The following PNLIPRP3 variants were observed in gnomAD, a reference collection of about 807,000 sequenced individuals.
The protein encoded by PNLIPRP3 is pancreatic lipase-related protein 3.
PNLIPRP3 carries 58 observed loss-of-function variants against 52.8 expected under a neutral mutation model. That is an observed-to-expected ratio of 1.10 (90% CI 0.89 to 1.37). The LOEUF (loss-of-function observed/expected upper bound fraction) is 1.37, where lower values mean the gene tolerates loss of function less well. Among genes scored for constraint, PNLIPRP3 ranks in the 40% most tolerant of loss-of-function variants. The pLI is 0.00. For synonymous variants in PNLIPRP3, 192 were observed against 185.0 expected (o/e 1.04, Z -0.31); for missense variants, 593 against 561.6 (o/e 1.06, Z -0.57).
intron 4 of PNLIPRP3, 138 bp downstream of exon 4, chr10:116,444,651 G>A (rs949754208): frequency 1.1e-6 from 1 of 880,470 alleles, no homozygotes. Context: ...TTTGTATATG[G>A]CAGACAAAAA....
At chr10:116,452,935 G>T (rs1244121449) in intron 4 of PNLIPRP3, among the ~76,000 whole-genome samples, 1 of 152,244 alleles carries the variant, frequency 6.6e-6, no homozygotes, top group Non-Finnish European at 1.5e-5. Context: ...CTGGGGAACT[G>T]CCTAGTGGAT....
In PNLIPRP3 at chr10:116,428,077, TATA is replaced by T. The variant is rs770149836; in HGVS notation, c.49+21_49+23del. 9 of 1,566,882 alleles carry T rather than the reference TATA, an allele frequency of 5.7e-6. No individual in the cohort carries two copies. Among genetic ancestry groups the T allele is most frequent in the African/African-American group, 2.7e-5 (2 of 73,722 alleles). On this transcript the variant is annotated intron_variant, in intron 1 of 11. Transcript: ENST00000369230. The stretch of plus-strand genomic sequence containing the variant: ...ACATCAAGAGGTAAGATTCATAATT[TATA>T]ATAAGTTCTTTAAAAATAATGAGTA...
At chr10:116,440,028 G>C in intron 2 of PNLIPRP3, 1 of 760,292 alleles carries the variant, frequency 1.3e-6, no homozygotes, top group Non-Finnish European at 2.4e-6. Context: ...TTGGTTTCTA[G>C]GGGTCACCTT....
intron 4 of PNLIPRP3, among the ~76,000 whole-genome samples, chr10:116,451,736 A>G (rs927522424): frequency 6.6e-6 from 1 of 152,216 alleles, no homozygotes; most frequent in African/African-American, 2.4e-5. Context: ...TGCTGGCACT[A>G]TGCTTTATGT....
At chr10:116,435,113 G>A (rs939582795) in intron 1 of PNLIPRP3, among the ~76,000 whole-genome samples, 1 of 152,164 alleles carries the variant, frequency 6.6e-6, no homozygotes, top group Non-Finnish European at 1.5e-5. Flanking sequence ...TATAGCATGC[G>A]AGTTGATTGA....
chr10:116,436,569 G>T, intron 1 of PNLIPRP3, 142 bp from the exon 2 acceptor site: 1 of 871,236 alleles, frequency 1.1e-6, no homozygotes. Flanking sequence ...CAACCCTATA[G>T]AATAGGAGAA....
intron 1 of PNLIPRP3, among the ~76,000 whole-genome samples, chr10:116,428,394 T>C (rs989353420): frequency 2.0e-5 from 3 of 152,150 alleles, no homozygotes; most frequent in Non-Finnish European, 4.4e-5. Context: ...ACTAGTCTTA[T>C]GGGCTTAGAC....
chr10:116,428,642 T>C (rs1437597635), intron 1 of PNLIPRP3, among the ~76,000 whole-genome samples: 2 of 152,204 alleles, frequency 1.3e-5, no homozygotes, highest in Non-Finnish European at 2.9e-5. Flanking sequence ...TTGACATGTT[T>C]GCTCTTTATA....
At chr10:116,461,511 T>C (rs1313222352) in intron 7 of PNLIPRP3, among the ~76,000 whole-genome samples, 3 of 152,188 alleles carry the variant, frequency 2.0e-5, no homozygotes, top group Non-Finnish European at 2.9e-5. Flanking sequence ...ATCTCTAGCA[T>C]ATTGCAGTCA....
chr10:116,476,539 C>T (rs1027341434), intron 10 of PNLIPRP3, 113 bp from the exon 11 acceptor site: 2 of 778,366 alleles, frequency 2.6e-6, no homozygotes, highest in Non-Finnish European at 3.9e-6. Flanking sequence ...CTCCTACAAG[C>T]AAATGCTAGC....
rs59582445 is a variant in PNLIPRP3 at position 116,449,015 on chromosome 10, C to CA, written c.456+4523dup. On this transcript the variant is annotated intron_variant, in intron 4 of 11. Transcript: ENST00000369230. ...TTGGCAATAGAGCAAGACTCCATCTCAAAAAAAAAAAAAAAAAAAAATTTC... is the reference window on the plus strand; with the variant it reads ...TTGGCAATAGAGCAAGACTCCATCTCAAAAAAAAAAAAAAAAAAAAAATTTC... Among the ~76,000 whole-genome samples, 370 of 134,020 alleles carry CA rather than the reference C, an allele frequency of 2.8e-3. 2 individuals carry two copies. Among genetic ancestry groups the CA allele is most frequent in the African/African-American group, 9.8e-3 (342 of 34,950 alleles). The allele number at this position is 134,020 out of a possible 152,430, so 87.9% of individuals were successfully genotyped here.
chr10:116,447,332 A>G (rs1411070885), intron 4 of PNLIPRP3, among the ~76,000 whole-genome samples: 1 of 152,186 alleles, frequency 6.6e-6, no homozygotes, highest in African/African-American at 2.4e-5. Context: ...GATTGGTGAG[A>G]GTCTTCTCCC....
rs377281926 is a variant in PNLIPRP3, at chr10:116,466,038, T to C, written c.809-12T>C. The C allele has an allele frequency of 6.3e-7, 1 of 1,576,764 alleles. No homozygotes were observed. Among genetic ancestry groups the C allele is most frequent in the East Asian group, 2.2e-5 (1 of 44,718 alleles). ...TTAATTGCTATCAGTTAATTGGGAA[T>C]TGTTTTCACAGAAATGGCTTCCTTC... On this transcript the variant is annotated splice_polypyrimidine_tract_variant and intron_variant, in intron 7 of 11. Coordinates refer to ENST00000369230, the MANE Select transcript of PNLIPRP3 (RefSeq NM_001011709.3).
At chr10:116,430,041 G>A (rs1845687509) in intron 1 of PNLIPRP3, among the ~76,000 whole-genome samples, 2 of 152,210 alleles carry the variant, frequency 1.3e-5, no homozygotes, top group South Asian at 4.1e-4. Context: ...GCAGGAGAAA[G>A]AGAAGGGAGT....
rs1045359365 is a variant in PNLIPRP3 at position 116,455,577 on chromosome 10, G to A, written c.457-145G>A. 3.4e-5 allele frequency: 21 copies of A among 621,536 alleles called. No individual in the cohort carries two copies. In the Admixed American group the frequency reaches 6.0e-4, roughly 18 times the overall value. 38.5% of individuals were successfully genotyped at this position (621,536 alleles called of 1,614,324 possible). ...CAGTTGGATAAGGATGTAGGCAGAG[G>A]TGTCACTTTGTGACTTTACCAGTCC... On this transcript the variant is annotated intron_variant, in intron 4 of 11. Transcript: ENST00000369230.
At chr10:116,451,018 T>A (rs1158712082) in intron 4 of PNLIPRP3, among the ~76,000 whole-genome samples, 1 of 152,056 alleles carries the variant, frequency 6.6e-6, no homozygotes, top group African/African-American at 2.4e-5. Context: ...TAAGCTGGAA[T>A]CATCACAGTT....
chr10:116,474,611 C>T (rs1188920511), intron 10 of PNLIPRP3, among the ~76,000 whole-genome samples: 2 of 152,036 alleles, frequency 1.3e-5, no homozygotes, highest in East Asian at 3.9e-4. Context: ...AAGGCAAAAA[C>T]AAACAACTAC....
chr10:116,434,066 C>T (rs995272083), intron 1 of PNLIPRP3, among the ~76,000 whole-genome samples: 3 of 152,126 alleles, frequency 2.0e-5, no homozygotes, highest in Non-Finnish European at 4.4e-5. Context: ...ACATGTATGA[C>T]ACATAAGGCT....
At chr10:116,442,991 G>A (rs905050251) in intron 2 of PNLIPRP3, 64 bp from the exon 3 acceptor site, 5 of 1,304,876 alleles carry the variant, frequency 3.8e-6, no homozygotes, top group African/African-American at 1.5e-5. Flanking sequence ...TTTAGAATAG[G>A]TCTACTAACT....
Sources: allele counts gnomAD v4.1 joint callset (sites outside exome capture counted in the v4.1 genomes callset), GRCh38; gene constraint gnomAD v4.1.1; transcripts MANE v1.5; gene names NCBI Gene and HGNC (gene_info 2026-07-23, HGNC 2026-07-21).